DDX54: variants seen among roughly 807,000 people sequenced by gnomAD.
DDX54 encodes the protein ATP-dependent RNA helicase DDX54.
In DDX54, 67 loss-of-function variants were observed where a neutral mutation model predicts 105.5. The observed-to-expected ratio is 0.64, with a 90% confidence interval of 0.52 to 0.78. DDX54 has a LOEUF of 0.78. Among genes scored for constraint, DDX54 ranks in the 30% least tolerant of loss-of-function variants. DDX54 has a pLI of 0.00. For synonymous variants in DDX54, 514 were observed against 509.9 expected, an observed-to-expected ratio of 1.01 and a Z score of -0.11; for missense variants, 1,206 against 1,230.5, an observed-to-expected ratio of 0.98 and a Z score of 0.30.
chr12:113,176,850 C>T lies in DDX54; in HGVS notation c.742G>A (p.Glu248Lys). 6.2e-7 allele frequency: 1 copy of T among 1,614,188 alleles called. No individual in the cohort carries two copies. Among genetic ancestry groups the T allele is most frequent in the Non-Finnish European group, 8.5e-7 (1 of 1,180,034 alleles). The stretch of plus-strand genomic sequence containing the variant: ...GACCTGCAGCCTTACCGGTCAGCTT[C>T]ATCGAACACCACGTATTCCACACTC... ...LQSVEYVVFDEADRLFEMGFA... is the reference protein window; with the variant it reads ...LQSVEYVVFDKADRLFEMGFA... Residue 248 changes from glutamate to lysine, a missense_variant, in exon 7 of 20, where the codon GAA becomes AAA. By Grantham distance (56) the Glu-to-Lys change is moderately conservative. Coordinates refer to ENST00000306014, the MANE Select transcript of DDX54 (RefSeq NM_024072.4).
chr12:113,162,251 G>C (rs1405528732), intron 17 of DDX54, among the ~76,000 whole-genome samples: 1 of 152,170 alleles, frequency 6.6e-6, no homozygotes, highest in African/African-American at 2.4e-5. Flanking sequence ...CTGGGGCCTG[G>C]CTCAGGGACA....
At chr12:113,169,951 G>A (rs1952317549) in intron 11 of DDX54, 47 bp from the exon 12 acceptor site, 1 of 1,605,494 alleles carries the variant, frequency 6.2e-7, no homozygotes, top group Non-Finnish European at 8.5e-7. Context: ...GAAGGACCCG[G>A]ACCCAGCATG....
Position 113,175,168 on chromosome 12 carries a change from A to AGAGG in DDX54, c.753-15_753-12dup. On this transcript the variant is annotated splice_polypyrimidine_tract_variant and intron_variant, in intron 7 of 19. Transcript: ENST00000306014. Reference sequence around the variant, plus strand: ...CCCATTTCAAAAAGCCTGGAAGGGTAGAGGGCAGGACTGGGTCAGAGGGGG... The same window carrying AGAGG: ...CCCATTTCAAAAAGCCTGGAAGGGTAGAGGGAGGGCAGGACTGGGTCAGAGGGGG... 6.3e-7 allele frequency: 1 copy of AGAGG among 1,598,526 alleles called. No individual in the cohort carries two copies. The highest frequency in any genetic ancestry group is 8.5e-7 in the Non-Finnish European group (1 of 1,174,460).
At chr12:113,166,152 A>C in intron 12 of DDX54, 120 bp from the exon 13 acceptor site, 1 of 950,326 alleles carries the variant, frequency 1.1e-6, no homozygotes, top group Non-Finnish European at 1.6e-6. Flanking sequence ...CTACAAAATA[A>C]TCACTGCAAA....
chr12:113,172,406 T>C lies in DDX54; in HGVS notation c.1226A>G (p.Asn409Ser), dbSNP rs778195133. ...GGCGGGGAAGCTGTAGTTGATGACA[T>C]TGTCCAGCAGCGGGATGTCCAGGCC... ...ARGLDIPLLD[N>S]VINYSFPAKG... The change falls in exon 11 of 20, where the codon AAT (asparagine) becomes AGT (serine). Residue 409 changes from asparagine to serine, a missense_variant. Around this residue, in one of 3 missense-constraint regions of DDX54, gnomAD observed 961 missense variants for 1,019.1 expected, o/e 0.94. Coordinates refer to ENST00000306014, the MANE Select transcript of DDX54 (RefSeq NM_024072.4). 7.4e-6 allele frequency: 12 copies of C among 1,614,114 alleles called. No homozygotes were observed. In the Admixed American group the frequency reaches 1.2e-4, roughly 16 times the overall value.
intron 1 of DDX54, among the ~76,000 whole-genome samples, chr12:113,181,526 G>C (rs1426300556): frequency 2.0e-5 from 3 of 151,022 alleles, no homozygotes; most frequent in Admixed American, 6.6e-5. Context: ...GCCCAGGCTA[G>C]TCTTGAATTC....
rs747396520 is a variant in DDX54, at chr12:113,169,861, C to G, written c.1323G>C (p.Leu441Phe). 7 of 1,613,942 alleles carry G rather than the reference C, an allele frequency of 4.3e-6. No homozygotes were observed. The highest frequency in any genetic ancestry group is 5.9e-6 in the Non-Finnish European group (7 of 1,180,012). The change falls in exon 12 of 20, where the codon TTG becomes TTC. Residue 441 changes from leucine (L) to phenylalanine (F), a missense_variant. Coordinates refer to ENST00000306014, the MANE Select transcript of DDX54 (RefSeq NM_024072.4). ...GGTAGGGGATTTCATCAGGGGCCAC[C>G]AAGGAGTAGGCTGTGCCACTTCGGC... ...RAGRSGTAYSLVAPDEIPYLL... is the reference protein window; with the variant it reads ...RAGRSGTAYSFVAPDEIPYLL...
chr12:113,181,030 A>T lies in DDX54; in HGVS notation c.203T>A (p.Phe68Tyr). 6.2e-7 allele frequency: 1 copy of T among 1,613,138 alleles called. No individual in the cohort carries two copies. Among genetic ancestry groups the T allele is most frequent in the Non-Finnish European group, 8.5e-7 (1 of 1,179,638 alleles). Residue 68 changes from phenylalanine (F) to tyrosine (Y), a missense_variant, in exon 2 of 20, where the codon TTC becomes TAC. By Grantham distance (22) the Phe-to-Tyr change is conservative (BLOSUM62 3). Coordinates refer to ENST00000306014, the MANE Select transcript of DDX54 (RefSeq NM_024072.4). ...ATCCGAGGTGCATTCCGAGGTGGGG[A>T]AGGTGGGCAGGGGTCTTCCAGGTCC... ...KLGPGRPLPTFPTSECTSDVE... is the reference protein window; with the variant it reads ...KLGPGRPLPTYPTSECTSDVE...
intron 1 of DDX54, among the ~76,000 whole-genome samples, chr12:113,184,644 G>A (rs1283210322): frequency 6.6e-6 from 1 of 152,062 alleles, no homozygotes; most frequent in Non-Finnish European, 1.5e-5. Flanking sequence ...GGGCAACATA[G>A]GGAGACCCCC....
intron 10 of DDX54, 23 bp downstream of exon 10, chr12:113,174,617 C>T (rs955177384): frequency 1.2e-6 from 2 of 1,605,704 alleles, no homozygotes; most frequent in Non-Finnish European, 8.5e-7. Context: ...GGAGGTGCTC[C>T]TCCCACTCAG....
At chr12:113,178,176 G>A (rs751867661) in intron 5 of DDX54, among the ~76,000 whole-genome samples, 17 of 152,230 alleles carry the variant, frequency 1.1e-4, no homozygotes, top group Non-Finnish European at 2.1e-4. Flanking sequence ...GGTTGAGGCT[G>A]CTGTTAGCTG....
chr12:113,157,584 C>G lies in DDX54; in HGVS notation c.*1293G>C. 6.4e-7 allele frequency: 1 copy of G among 1,550,842 alleles called. No homozygotes were observed. Among genetic ancestry groups the G allele is most frequent in the Non-Finnish European group, 8.7e-7 (1 of 1,146,312 alleles). ...TGACTCTGGGGCTGGGATGTGACTT[C>G]GTGCTGGGCCCCCCCAGGTGAAGCT... On this transcript the variant is annotated 3_prime_UTR_variant, in exon 20 of 20. Coordinates refer to ENST00000306014, the MANE Select transcript of DDX54 (RefSeq NM_024072.4).
rs1214671638 is a variant in DDX54 at position 113,163,946 on chromosome 12, A to T, written c.1938+121T>A. ...CCATGCCCCGACTCTGCAGATGGGA[A>T]GCTGACTGCATCCACCTCCATCCAC... On this transcript the variant is annotated intron_variant, in intron 15 of 19. Coordinates refer to ENST00000306014, the MANE Select transcript of DDX54 (RefSeq NM_024072.4). The surrounding 1 kb of genome is among the most constrained non-coding windows in gnomAD (Gnocchi z 5.9). The T allele has an allele frequency of 7.0e-7, 1 of 1,424,828 alleles. No individual in the cohort carries two copies. The highest frequency in any genetic ancestry group is 9.2e-7 in the Non-Finnish European group (1 of 1,089,486). The allele number at this position is 1,424,828 out of a possible 1,614,324, so 88.3% of individuals were successfully genotyped here.
intron 11 of DDX54, among the ~76,000 whole-genome samples, chr12:113,170,217 G>A (rs931356339): frequency 3.3e-5 from 5 of 152,170 alleles, no homozygotes; most frequent in African/African-American, 1.2e-4. Context: ...CACACAAGGA[G>A]GTTTAGTGTG....
At position 113,163,513 on chromosome 12, in the gene DDX54, G is replaced by A. The variant is rs575004129; in HGVS notation, c.1939-239C>T. ...GGACCAGCAGAGGCAGGACAGCTGG[G>A]TGAGGAGGAGAGTGCCGGCCGAGGG... is the stretch of plus-strand genomic sequence containing the variant. On this transcript the variant is annotated intron_variant, in intron 15 of 19. Coordinates refer to ENST00000306014, the MANE Select transcript of DDX54 (RefSeq NM_024072.4). This position sits in a 1 kb window ranked among gnomAD's most constrained non-coding sequence, Gnocchi z 5.9. Among the ~76,000 whole-genome samples, 2 of 152,264 alleles carry A rather than the reference G, an allele frequency of 1.3e-5. No homozygotes were observed. The highest frequency in any genetic ancestry group is 4.1e-4 in the South Asian group (2 of 4,830).
rs200826458 is a variant in DDX54 at position 113,179,176 on chromosome 12, C to T, written c.531G>A (p.Glu177=). ...ARALILSPTR[E]LALQTLKFTK... is the part of the protein sequence containing the mutation. ...TGAACTTCAGGGTCTGCAGGGCCAG[C>T]TCTCGGGTCGGCGAGAGGATGAGGG... is the stretch of plus-strand genomic sequence containing the variant. The change falls in exon 4 of 20, where the codon GAG becomes GAA. Residue 177 remains glutamate (E), a synonymous_variant. Coordinates refer to ENST00000306014, the MANE Select transcript of DDX54 (RefSeq NM_024072.4). The T allele has an allele frequency of 1.8e-4, 286 of 1,614,124 alleles. No individual in the cohort carries two copies. Among genetic ancestry groups the T allele is most frequent in the Non-Finnish European group, 2.3e-4 (275 of 1,180,014 alleles).
chr12:113,166,916 A>C (rs1952284265), intron 12 of DDX54, among the ~76,000 whole-genome samples: 2 of 152,206 alleles, frequency 1.3e-5, no homozygotes, highest in African/African-American at 4.8e-5. Flanking sequence ...TACTTATGGT[A>C]ATAAGTAACA....
chr12:113,161,463 G>A (rs1178779242), intron 18 of DDX54, 81 bp from the exon 19 acceptor site: 2 of 1,145,912 alleles, frequency 1.7e-6, no homozygotes, highest in Non-Finnish European at 2.5e-6. Flanking sequence ...AGCAGACAGA[G>A]TTCCGTTATC....
chr12:113,157,536 G>T lies in DDX54; in HGVS notation c.*1341C>A, dbSNP rs1391698076. The T allele has an allele frequency of 4.3e-6, 6 of 1,379,956 alleles. No individual in the cohort carries two copies. The highest frequency in any genetic ancestry group is 6.0e-6 in the Non-Finnish European group (6 of 992,056). 85.5% of individuals were successfully genotyped at this position (1,379,956 alleles called of 1,614,324 possible). On this transcript the variant is annotated 3_prime_UTR_variant, in exon 20 of 20. Transcript: ENST00000306014. ...CCCTACCTTTCGGCCTCCCCCGCGTGTTGAGGGGTGGGGGCTGGACAGTGA... is the reference window on the plus strand; with the variant it reads ...CCCTACCTTTCGGCCTCCCCCGCGTTTTGAGGGGTGGGGGCTGGACAGTGA...
Sources: allele counts gnomAD v4.1 joint callset (sites outside exome capture counted in the v4.1 genomes callset), GRCh38; gene constraint gnomAD v4.1.1; regional missense constraint gnomAD v4.1.1; non-coding constraint Gnocchi (gnomAD v3.1); transcripts MANE v1.5; gene names NCBI Gene and HGNC (gene_info 2026-07-23, HGNC 2026-07-21).